The following AUTS2 variants were observed in gnomAD, a reference collection of about 807,000 sequenced individuals.
AUTS2 encodes autism susceptibility gene 2 protein.
A neutral mutation model predicts 112.4 loss-of-function variants in AUTS2; 17 were observed. The ratio of observed to expected loss-of-function variants is 0.15; its 90% CI spans 0.10 to 0.23. The LOEUF is 0.23. AUTS2 is among the 10% of genes least tolerant of loss of function. The pLI, the probability that AUTS2 is intolerant of heterozygous loss-of-function variation, is 1.00. For synonymous variants in AUTS2, 751 were observed against 702.7 expected, an observed-to-expected ratio of 1.07 and a Z score of -1.09; for missense variants, 1,510 against 1,701.6, an observed-to-expected ratio of 0.89 and a Z score of 1.98.
chr7:70,121,323 A>G (rs546042049), intron 3 of AUTS2, among the ~76,000 whole-genome samples: 2 of 152,306 alleles, frequency 1.3e-5, no homozygotes, highest in East Asian at 3.9e-4. Context: ...AAAAGCATGT[A>G]CAATGAAAGA....
At chr7:70,241,103 C>T (rs536377284) in intron 4 of AUTS2, among the ~76,000 whole-genome samples, 4 of 152,278 alleles carry the variant, frequency 2.6e-5, no homozygotes, top group African/African-American at 9.6e-5. Flanking sequence ...TCCTCTAGGT[C>T]TTAATTACAA....
chr7:70,024,955 C>G (rs1800448378), intron 2 of AUTS2, among the ~76,000 whole-genome samples: 1 of 152,226 alleles, frequency 6.6e-6, no homozygotes. Flanking sequence ...AATTAACTGG[C>G]TGCCTGCTAT....
At chr7:69,629,788 A>G (rs1269429872) in intron 1 of AUTS2, among the ~76,000 whole-genome samples, 1 of 150,968 alleles carries the variant, frequency 6.6e-6, no homozygotes, top group Non-Finnish European at 1.5e-5. Context: ...GACAGCTGGC[A>G]CATAGTTCGG....
At chr7:70,624,642 C>T (rs572718003) in intron 5 of AUTS2, among the ~76,000 whole-genome samples, 1 of 151,972 alleles carries the variant, frequency 6.6e-6, no homozygotes, top group Non-Finnish European at 1.5e-5. Flanking sequence ...TCTTTCATAC[C>T]CTCCTGAGTA....
intron 1 of AUTS2, among the ~76,000 whole-genome samples, chr7:69,640,032 C>T (rs1310100414): frequency 6.6e-6 from 1 of 152,164 alleles, no homozygotes; most frequent in East Asian, 1.9e-4. Flanking sequence ...GTAGTAAATT[C>T]AAGGGGAGTT....
At chr7:70,605,546 C>CTTTTTTTTTTTTTTTTTTTTT in intron 5 of AUTS2, among the ~76,000 whole-genome samples, 81 of 70,670 alleles carry the variant, frequency 1.1e-3, no homozygotes, top group South Asian at 2.0e-3. Flanking sequence ...CCTTCTTTCT[C>CTTTTTTTTTTTTTTTTTTTTT]TTTTTTTTTT....
At chr7:69,820,398 G>T (rs2129526269) in intron 1 of AUTS2, among the ~76,000 whole-genome samples, 1 of 152,348 alleles carries the variant, frequency 6.6e-6, no homozygotes, top group Middle Eastern at 3.4e-3. Flanking sequence ...GGATTTGTTA[G>T]AATTGCAGAT....
intron 1 of AUTS2, among the ~76,000 whole-genome samples, chr7:69,707,721 C>G (rs980423412): frequency 6.6e-6 from 1 of 152,214 alleles, no homozygotes; most frequent in Non-Finnish European, 1.5e-5. Context: ...CTGGTTTTGA[C>G]TGTCAACTGG....
intron 6 of AUTS2, among the ~76,000 whole-genome samples, chr7:70,709,916 A>C (rs1809956906): frequency 6.6e-6 from 1 of 152,156 alleles, no homozygotes; most frequent in African/African-American, 2.4e-5. Context: ...GCATCTGTGT[A>C]AGAAAGATCT....
intron 1 of AUTS2, among the ~76,000 whole-genome samples, chr7:69,710,372 T>C (rs1033871038): frequency 6.6e-6 from 1 of 152,208 alleles, no homozygotes; most frequent in African/African-American, 2.4e-5. Flanking sequence ...GTTCTAGTTA[T>C]AAAATATATT....
chr7:69,996,421 CA>C (rs1563023901), intron 2 of AUTS2, among the ~76,000 whole-genome samples: 1 of 152,180 alleles, frequency 6.6e-6, no homozygotes, highest in African/African-American at 2.4e-5. Context: ...GGCTTCCTTG[CA>C]GGCCTGTTGG....
chr7:70,713,996 G>A (rs887411034), intron 6 of AUTS2, among the ~76,000 whole-genome samples: 1 of 152,110 alleles, frequency 6.6e-6, no homozygotes, highest in African/African-American at 2.4e-5. Context: ...CAAGTAACCA[G>A]GTGATACTGA....
At chr7:69,652,761 GA>G (rs1795352457) in intron 1 of AUTS2, among the ~76,000 whole-genome samples, 1 of 152,092 alleles carries the variant, frequency 6.6e-6, no homozygotes, top group Non-Finnish European at 1.5e-5. Flanking sequence ...ATGTAGGTCT[GA>G]AAGTATGCTT....
chr7:70,398,156 T>A (rs966828958), intron 4 of AUTS2, among the ~76,000 whole-genome samples: 1 of 152,228 alleles, frequency 6.6e-6, no homozygotes, highest in African/African-American at 2.4e-5. Context: ...ACTGATGTAA[T>A]TTTCTGTCTT....
chr7:70,435,161 C>G (rs541262365), intron 4 of AUTS2, among the ~76,000 whole-genome samples: 3 of 152,204 alleles, frequency 2.0e-5, no homozygotes, highest in Admixed American at 2.0e-4. Context: ...AGGGAATGTT[C>G]CTTCTATTCT....
rs1346893576 is a variant in AUTS2, at chr7:70,790,246, C to T, written c.3030C>T (p.Ser1010=). 9 of 1,612,984 alleles carry T rather than the reference C, an allele frequency of 5.6e-6. No individual in the cohort carries two copies. The highest frequency in any genetic ancestry group is 1.7e-4 in the Middle Eastern group (1 of 6,060). ...CCTCGGAGCCGCCGCCTCCCAACTC[C>T]TCGTCCAGCGTGCACCCGGGGCCCC... ...HRASEPPPPN[S]SSSVHPGPLA... Residue 1010 remains serine (S), a synonymous_variant, in exon 19 of 19, where the codon TCC becomes TCT. Transcript: ENST00000342771. The surrounding 1 kb of genome is among the most constrained non-coding windows in gnomAD (Gnocchi z 7.6).
At position 70,037,640 on chromosome 7, in the gene AUTS2, C is replaced by A. The variant is rs560229632; in HGVS notation, c.523-80492C>A. ...TTACAAATTGTGAGCTGGATACTCA[C>A]TACTCTTCTTTTAGCCCAAATTGAG... On this transcript the variant is annotated intron_variant, in intron 2 of 18. Coordinates refer to ENST00000342771, the MANE Select transcript of AUTS2 (RefSeq NM_015570.4). 1.3e-3 allele frequency among the ~76,000 whole-genome samples: 200 copies of A among 152,142 alleles called. 2 individuals carry two copies. In the South Asian group the frequency reaches 0.016, roughly 12 times the overall value.
intron 6 of AUTS2, among the ~76,000 whole-genome samples, chr7:70,708,885 C>T (rs4612222): frequency 0.53 from 79,476 of 150,988 alleles, 21,022 homozygotes; most frequent in Middle Eastern, 0.58. Flanking sequence ...ACTTTTTTCA[C>T]GTTTCTTCAG....
At chr7:70,444,369 TGTGTGAGA>T (rs1166698231) in intron 5 of AUTS2, among the ~76,000 whole-genome samples, 1 of 144,878 alleles carries the variant, frequency 6.9e-6, no homozygotes, top group Non-Finnish European at 1.5e-5. Context: ...TGTGTGTGTG[TGTGTGAGA>T]GAGAGAGAGA....
Sources: allele counts gnomAD v4.1 joint callset (sites outside exome capture counted in the v4.1 genomes callset), GRCh38; gene constraint gnomAD v4.1.1; non-coding constraint Gnocchi (gnomAD v3.1); transcripts MANE v1.5; gene names NCBI Gene and HGNC (gene_info 2026-07-23, HGNC 2026-07-21).